Variants in PLPPR1 observed in about 807,000 individuals in gnomAD.
PLPPR1 encodes the protein phospholipid phosphatase-related protein type 1.
Under a neutral mutation model 33.1 loss-of-function variants are expected in PLPPR1, and 10 were observed. The observed-to-expected ratio is 0.30, with a 90% CI of 0.19 to 0.51. The LOEUF (loss-of-function observed/expected upper bound fraction) is 0.51. Among genes scored for constraint, PLPPR1 ranks in the 20% least tolerant of loss-of-function variants. The pLI is 0.97. For missense variants in PLPPR1, 304 were observed against 408.1 expected (o/e 0.74, Z 2.20); for synonymous variants, 151 against 151.0 (o/e 1.00, Z 0.00).
At chr9:101,137,947 C>T (rs1831398184) in intron 1 of PLPPR1, among the ~76,000 whole-genome samples, 1 of 152,188 alleles carries the variant, frequency 6.6e-6, no homozygotes, top group South Asian at 2.1e-4. Context: ...GGATTTAAAT[C>T]CAGATCCTCT....
Position 101,229,049 on chromosome 9 carries a change from T to C in PLPPR1, c.64-40831T>C, listed in dbSNP as rs563025793. Among the ~76,000 whole-genome samples the C allele has an allele frequency of 2.6e-5, 4 of 151,304 alleles. No individual in the cohort carries two copies. In the Admixed American group the frequency reaches 2.7e-4, roughly 10 times the overall value. The stretch of plus-strand genomic sequence containing the variant: ...ATTCCTATGACCTGCCTTGTTCAAA[T>C]TGGTCAGTTCTAAACTCAGAATAAA... On this transcript the variant is annotated intron_variant, in intron 2 of 7. Transcript: ENST00000374874.
intron 2 of PLPPR1, among the ~76,000 whole-genome samples, chr9:101,227,108 A>C (rs1032657666): frequency 3.3e-5 from 5 of 152,098 alleles, no homozygotes; most frequent in Non-Finnish European, 7.4e-5. Flanking sequence ...CTGCACACAA[A>C]GGGCTGCAGA....
chr9:101,036,701 C>CAAAAAAAAAAAA (rs5899427), intron 1 of PLPPR1, among the ~76,000 whole-genome samples: 1 of 103,742 alleles, frequency 9.6e-6, no homozygotes, highest in East Asian at 2.7e-4. Flanking sequence ...CTATTTCTGC[C>CAAAAAAAAAAAA]AAAAAAAAAA....
At chr9:101,305,896 C>T (rs1828851625) in intron 4 of PLPPR1, among the ~76,000 whole-genome samples, 1 of 152,220 alleles carries the variant, frequency 6.6e-6, no homozygotes, top group Admixed American at 6.5e-5. Context: ...TGTCCAAAGA[C>T]ATCCTATCTG....
At chr9:101,260,931 A>C (rs1419948007) in intron 2 of PLPPR1, among the ~76,000 whole-genome samples, 1 of 152,228 alleles carries the variant, frequency 6.6e-6, no homozygotes, top group Non-Finnish European at 1.5e-5. Context: ...AGAAGAATGG[A>C]GGAAGAGGAG....
At chr9:101,242,465 T>C (rs773184613) in intron 2 of PLPPR1, among the ~76,000 whole-genome samples, 1 of 152,042 alleles carries the variant, frequency 6.6e-6, no homozygotes, top group Non-Finnish European at 1.5e-5. Flanking sequence ...GTAGATACTG[T>C]TAAAATTCTT....
chr9:101,152,367 T>C (rs193043411), intron 1 of PLPPR1, among the ~76,000 whole-genome samples: 203 of 152,324 alleles, frequency 1.3e-3, no homozygotes, highest in Middle Eastern at 3.4e-3. Flanking sequence ...ACTCTGATGA[T>C]AGTTTATTTT....
intron 3 of PLPPR1, among the ~76,000 whole-genome samples, chr9:101,280,715 C>A (rs1366498187): frequency 6.6e-6 from 1 of 152,024 alleles, no homozygotes; most frequent in Non-Finnish European, 1.5e-5. Flanking sequence ...TGATAAAATT[C>A]AGCATCCTTT....
At chr9:101,046,606 AT>A in intron 1 of PLPPR1, among the ~76,000 whole-genome samples, 1 of 151,510 alleles carries the variant, frequency 6.6e-6, no homozygotes, top group Non-Finnish European at 1.5e-5. Flanking sequence ...CGCCCAGCTA[AT>A]TTTTTTGTGT....
At chr9:101,186,638 C>A (rs1185189334) in intron 2 of PLPPR1, among the ~76,000 whole-genome samples, 1 of 151,846 alleles carries the variant, frequency 6.6e-6, no homozygotes, top group Non-Finnish European at 1.5e-5. Context: ...TGTTCTCCAA[C>A]TTGAAATAAC....
At chr9:101,214,705 A>G (rs911352635) in intron 2 of PLPPR1, among the ~76,000 whole-genome samples, 3 of 152,206 alleles carry the variant, frequency 2.0e-5, no homozygotes, top group African/African-American at 7.2e-5. Context: ...GAATCAACAA[A>G]CTATATTACT....
At chr9:101,161,915 C>G (rs932433379) in intron 1 of PLPPR1, among the ~76,000 whole-genome samples, 2 of 151,682 alleles carry the variant, frequency 1.3e-5, no homozygotes, top group African/African-American at 4.8e-5. Flanking sequence ...TTTTTTCTCT[C>G]AAAATACTGA....
intron 2 of PLPPR1, among the ~76,000 whole-genome samples, chr9:101,240,217 T>C (rs1448455667): frequency 6.6e-6 from 1 of 151,466 alleles, no homozygotes; most frequent in Non-Finnish European, 1.5e-5. Flanking sequence ...AATATGAGGA[T>C]TTATTTATGG....
intron 1 of PLPPR1, among the ~76,000 whole-genome samples, chr9:101,123,906 A>G (rs1345567886): frequency 2.0e-5 from 3 of 152,198 alleles, no homozygotes; most frequent in South Asian, 2.1e-4. Context: ...AAAGGCCACA[A>G]GGGGTTTTAG....
chr9:101,093,635 T>G (rs1830777900), intron 1 of PLPPR1, among the ~76,000 whole-genome samples: 1 of 152,204 alleles, frequency 6.6e-6, no homozygotes, highest in Non-Finnish European at 1.5e-5. Flanking sequence ...ACTTTAAAAT[T>G]TTCATCCATC....
intron 1 of PLPPR1, among the ~76,000 whole-genome samples, chr9:101,098,965 A>G (rs1265797314): frequency 1.3e-5 from 2 of 152,144 alleles, no homozygotes; most frequent in African/African-American, 4.8e-5. Context: ...TTATACAAGG[A>G]CAGGCTCTGG....
intron 1 of PLPPR1, among the ~76,000 whole-genome samples, chr9:101,167,058 A>C (rs549918469): frequency 4.1e-5 from 6 of 147,804 alleles, no homozygotes; most frequent in East Asian, 4.1e-4. Flanking sequence ...AAAAAAAAAA[A>C]AAAACACTGT....
chr9:101,131,645 C>G (rs1341372108), intron 1 of PLPPR1: 2 of 152,196 alleles, frequency 1.3e-5, no homozygotes, highest in African/African-American at 4.8e-5. Context: ...GGAAGGTTTG[C>G]CAACACTTAC....
intron 1 of PLPPR1, among the ~76,000 whole-genome samples, chr9:101,055,246 G>T (rs549371595): frequency 2.6e-5 from 4 of 152,276 alleles, no homozygotes; most frequent in East Asian, 3.9e-4. Flanking sequence ...CAGTGAAAAA[G>T]ATCTAAATGG....
Sources: gnomAD v4.1 joint callset for allele counts (sites outside exome capture counted in the v4.1 genomes callset) on GRCh38, gnomAD v4.1.1 for gene constraint, MANE v1.5 for transcripts, NCBI Gene and HGNC (gene_info 2026-07-23, HGNC 2026-07-21) for gene names.